GPHN: variants seen among roughly 807,000 people sequenced by gnomAD.
GPHN encodes gephyrin.
A neutral mutation model predicts 95.5 loss-of-function variants in GPHN; 17 were observed. That is an observed-to-expected ratio of 0.18 (90% CI 0.12 to 0.27). The LOEUF is 0.27. GPHN is among the 10% of genes least tolerant of loss of function. The pLI, the probability that GPHN is intolerant of heterozygous loss-of-function variation, is 1.00. For missense variants in GPHN, 660 were observed against 978.1 expected (o/e 0.67, Z 4.34); for synonymous variants, 320 against 322.5 (o/e 0.99, Z 0.08).
intron 1 of GPHN, among the ~76,000 whole-genome samples, chr14:66,553,728 C>T (rs947100544): frequency 2.0e-5 from 3 of 152,148 alleles, no homozygotes; most frequent in African/African-American, 7.2e-5. Context: ...AGGCATGGGC[C>T]ACCACGCCCG....
At chr14:67,690,166 G>A in the GPHN span, 2 of 1,547,500 alleles carry the variant, frequency 1.3e-6, no homozygotes, top group African/African-American at 2.7e-5. Flanking sequence ...GCTTTTACCT[G>A]CCTCTCTCTG....
At chr14:67,202,318 G>A in the GPHN span, among the ~76,000 whole-genome samples, 361 of 152,258 alleles carry the variant, frequency 2.4e-3, no homozygotes, top group African/African-American at 8.4e-3. Context: ...GCATGTGCCT[G>A]TAATCCCAGC....
intron 10 of GPHN, among the ~76,000 whole-genome samples, chr14:67,037,218 A>G (rs1469251677): frequency 6.6e-6 from 1 of 152,022 alleles, no homozygotes; most frequent in African/African-American, 2.4e-5. Flanking sequence ...TGTTGGGAAA[A>G]CAGCTATTCT....
At chr14:67,378,709 G>T in the GPHN span, among the ~76,000 whole-genome samples, 1 of 152,194 alleles carries the variant, frequency 6.6e-6, no homozygotes, top group Non-Finnish European at 1.5e-5. Context: ...CTTGGCGTGT[G>T]TTATTCCCTT....
At chr14:67,698,681 A>G in the GPHN span, among the ~76,000 whole-genome samples, 1 of 152,242 alleles carries the variant, frequency 6.6e-6, no homozygotes, top group South Asian at 2.1e-4. Flanking sequence ...TGGATAGTAT[A>G]GGAGCTGTTA....
intron 1 of GPHN, among the ~76,000 whole-genome samples, chr14:66,588,193 A>G (rs2061498909): frequency 2.0e-5 from 3 of 152,154 alleles, no homozygotes; most frequent in Admixed American, 2.0e-4. Context: ...AATAGCATCA[A>G]CATCAACAAA....
At chr14:67,517,073 GAGTC>G in the GPHN span, among the ~76,000 whole-genome samples, 1 of 152,340 alleles carries the variant, frequency 6.6e-6, no homozygotes, top group Admixed American at 6.5e-5. Context: ...AAAAGGGAGA[GAGTC>G]AGGGCTACAG....
chr14:67,201,375 C>G, the GPHN span: 1 of 446,966 alleles, frequency 2.2e-6, no homozygotes, highest in East Asian at 7.0e-5. Context: ...CCCAGGGCAT[C>G]AGCTCACTCC....
intron 5 of GPHN, among the ~76,000 whole-genome samples, chr14:66,908,295 C>T (rs1037255497): frequency 5.9e-5 from 9 of 151,798 alleles, no homozygotes; most frequent in African/African-American, 2.2e-4. Context: ...TACAACAAAA[C>T]ACACATTGGC....
the GPHN span, among the ~76,000 whole-genome samples, chr14:67,220,119 A>C: frequency 6.6e-6 from 1 of 152,178 alleles, no homozygotes; most frequent in Non-Finnish European, 1.5e-5. Context: ...GTGACACTTT[A>C]TAACTGTGTA....
intron 8 of GPHN, among the ~76,000 whole-genome samples, chr14:66,935,167 C>T (rs1401647544): frequency 1.3e-5 from 2 of 151,860 alleles, no homozygotes; most frequent in Admixed American, 1.3e-4. Context: ...CTGATAGGTT[C>T]AAAACTCAAA....
chr14:66,514,193 A>C (rs1170185073), intron 1 of GPHN, among the ~76,000 whole-genome samples: 2 of 152,024 alleles, frequency 1.3e-5, no homozygotes, highest in African/African-American at 4.8e-5. Flanking sequence ...GATAAGCATA[A>C]GTAAATTAGG....
intron 10 of GPHN, among the ~76,000 whole-genome samples, chr14:67,026,823 T>C (rs932942468): frequency 3.3e-5 from 5 of 152,128 alleles, no homozygotes. Context: ...TTTGTATTTT[T>C]AGTAGAGATG....
At chr14:67,327,325 T>C in the GPHN span, among the ~76,000 whole-genome samples, 2 of 151,946 alleles carry the variant, frequency 1.3e-5, no homozygotes, top group African/African-American at 4.8e-5. Context: ...GTTTTAATTG[T>C]ATAAAAAACT....
intron 3 of GPHN, among the ~76,000 whole-genome samples, chr14:66,814,628 G>T (rs1040511523): frequency 1.3e-5 from 2 of 151,992 alleles, no homozygotes; most frequent in Admixed American, 6.5e-5. Context: ...AACCCTCAAG[G>T]TTATCAAATA....
the GPHN span, chr14:67,725,296 A>G: frequency 6.2e-7 from 1 of 1,606,094 alleles, no homozygotes; most frequent in Non-Finnish European, 8.5e-7. Flanking sequence ...GAAATTGGGT[A>G]TGGGAGTGGC....
chr14:66,921,596 G>A (rs1046204321), intron 6 of GPHN, among the ~76,000 whole-genome samples: 3 of 151,958 alleles, frequency 2.0e-5, no homozygotes, highest in African/African-American at 4.8e-5. Context: ...CCATGCTCAC[G>A]GATTAGTAGA....
At chr14:66,565,106 A>G (rs1289289970) in intron 1 of GPHN, among the ~76,000 whole-genome samples, 1 of 152,176 alleles carries the variant, frequency 6.6e-6, no homozygotes, top group Non-Finnish European at 1.5e-5. Context: ...CATGGGCCAG[A>G]TGGGTCTTGG....
At chr14:67,713,390 A>G in the GPHN span, among the ~76,000 whole-genome samples, 1 of 138,648 alleles carries the variant, frequency 7.2e-6, no homozygotes, top group African/African-American at 2.7e-5. Flanking sequence ...GAAAGCAAGT[A>G]AAACTCCAAA....
Sources: allele counts gnomAD v4.1 joint callset (sites outside exome capture counted in the v4.1 genomes callset), GRCh38; gene constraint gnomAD v4.1.1; transcripts MANE v1.5; gene names NCBI Gene and HGNC (gene_info 2026-07-23, HGNC 2026-07-21).